The following EDIL3 variants were observed in gnomAD, a reference collection of about 807,000 sequenced individuals.
EDIL3 encodes the protein EGF-like repeat and discoidin I-like domain-containing protein 3.
A neutral mutation model predicts 67.4 loss-of-function variants in EDIL3; 37 were observed. The ratio of observed to expected loss-of-function variants is 0.55; its 90% CI spans 0.42 to 0.72. The LOEUF is 0.72. Among genes scored for constraint, EDIL3 ranks in the 30% least tolerant of loss-of-function variants. The pLI is 0.00. For missense variants in EDIL3, 527 were observed against 586.3 expected (o/e 0.90, Z 1.04); for synonymous variants, 195 against 196.3 (o/e 0.99, Z 0.05).
chr5:84,034,552 G>A (rs536034292), intron 9 of EDIL3, among the ~76,000 whole-genome samples: 2 of 152,250 alleles, frequency 1.3e-5, no homozygotes, highest in Admixed American at 1.3e-4. Flanking sequence ...ACCCATCTTA[G>A]AATGGCCCTT....
intron 4 of EDIL3, among the ~76,000 whole-genome samples, chr5:84,168,943 C>A (rs575823522): frequency 3.9e-5 from 6 of 152,176 alleles, no homozygotes; most frequent in Non-Finnish European, 8.8e-5. Context: ...GCTTACACGT[C>A]CTTGACTATT....
At chr5:84,003,545 T>C (rs1302648221) in intron 9 of EDIL3, among the ~76,000 whole-genome samples, 1 of 152,094 alleles carries the variant, frequency 6.6e-6, no homozygotes, top group African/African-American at 2.4e-5. Flanking sequence ...AAGCAAGAAT[T>C]CCATATCTAG....
At chr5:84,113,474 G>C (rs947445875) in intron 5 of EDIL3, among the ~76,000 whole-genome samples, 1 of 152,162 alleles carries the variant, frequency 6.6e-6, no homozygotes, top group African/African-American at 2.4e-5. Flanking sequence ...AGGAGCAGCT[G>C]GGCTAGCTGG....
intron 9 of EDIL3, among the ~76,000 whole-genome samples, chr5:84,028,341 C>T (rs903781007): frequency 6.6e-6 from 1 of 152,172 alleles, no homozygotes; most frequent in Admixed American, 6.5e-5. Context: ...CTAACCATGT[C>T]ACCCTTTGAC....
chr5:84,259,817 G>A (rs1334230488), intron 1 of EDIL3, among the ~76,000 whole-genome samples: 1 of 152,064 alleles, frequency 6.6e-6, no homozygotes, highest in East Asian at 1.9e-4. Context: ...CAACAGCAAA[G>A]TGTGTGAGCA....
chr5:84,233,452 A>G (rs1191489667), intron 2 of EDIL3, among the ~76,000 whole-genome samples: 1 of 152,228 alleles, frequency 6.6e-6, no homozygotes, highest in Non-Finnish European at 1.5e-5. Context: ...GTAAATTAGT[A>G]GGCTTACAGA....
Position 84,024,799 on chromosome 5 carries a change from TCTA to T in EDIL3, c.1137+35498_1137+35500del, listed in dbSNP as rs1561406844. On this transcript the variant is annotated intron_variant, in intron 9 of 10. Coordinates refer to ENST00000296591, the MANE Select transcript of EDIL3 (RefSeq NM_005711.5). ...AGCACCCTTAAGAACACAACTTCTT[TCTA>T]TTTTTTTTTTCACTCTATTACCTTT... Among the ~76,000 whole-genome samples, 3 of 95,486 alleles carry T rather than the reference TCTA, an allele frequency of 3.1e-5. No individual in the cohort carries two copies. In the East Asian group the frequency reaches 1.3e-3, roughly 40 times the overall value. The allele number at this position is 95,486 out of a possible 152,430, so 62.6% of individuals were successfully genotyped here. A position where few individuals can be genotyped will look rare whatever the true frequency, so the allele number is the denominator to read the frequency against.
At chr5:84,322,991 T>C (rs1184360908) in intron 1 of EDIL3, among the ~76,000 whole-genome samples, 1 of 151,918 alleles carries the variant, frequency 6.6e-6, no homozygotes, top group African/African-American at 2.4e-5. Context: ...AAAAGAAAAA[T>C]TGACACATAT....
chr5:84,307,719 A>G (rs1346549075), intron 1 of EDIL3, among the ~76,000 whole-genome samples: 2 of 152,162 alleles, frequency 1.3e-5, no homozygotes, highest in Admixed American at 6.5e-5. Flanking sequence ...AAAGTCCACA[A>G]TTAGCTGCAG....
At chr5:84,198,647 C>G (rs1302290045) in intron 3 of EDIL3, among the ~76,000 whole-genome samples, 1 of 151,930 alleles carries the variant, frequency 6.6e-6, no homozygotes. Context: ...TGACAACAAG[C>G]AATTAGCACC....
chr5:84,297,615 G>A (rs2112126216), intron 1 of EDIL3, among the ~76,000 whole-genome samples: 1 of 152,312 alleles, frequency 6.6e-6, no homozygotes, highest in Non-Finnish European at 1.5e-5. Flanking sequence ...GGACCATCGG[G>A]AGTTTATGGA....
chr5:83,990,353 G>A (rs1745127960), intron 9 of EDIL3, among the ~76,000 whole-genome samples: 2 of 151,840 alleles, frequency 1.3e-5, no homozygotes, highest in African/African-American at 4.8e-5. Context: ...TGGGCGTGGT[G>A]GCATGCGCCT....
At chr5:84,179,151 T>C (rs1411094819) in intron 4 of EDIL3, among the ~76,000 whole-genome samples, 2 of 152,054 alleles carry the variant, frequency 1.3e-5, no homozygotes, top group Admixed American at 6.6e-5. Flanking sequence ...GTAAGTAACA[T>C]GGTCTTCATG....
intron 4 of EDIL3, among the ~76,000 whole-genome samples, chr5:84,143,749 AAT>A (rs747570396): frequency 6.6e-6 from 1 of 151,054 alleles, no homozygotes; most frequent in South Asian, 2.1e-4. Context: ...GATGACTTTA[AAT>A]ATATATATAT....
intron 1 of EDIL3, among the ~76,000 whole-genome samples, chr5:84,305,506 AG>A (rs1746246899): frequency 6.6e-6 from 1 of 152,232 alleles, no homozygotes; most frequent in South Asian, 2.1e-4. Context: ...TTTTCTCTAA[AG>A]CTCTCAGCAG....
chr5:83,974,794 T>C (rs1744852156), intron 9 of EDIL3, among the ~76,000 whole-genome samples: 1 of 152,042 alleles, frequency 6.6e-6, no homozygotes, highest in Admixed American at 6.6e-5. Flanking sequence ...ATATATATCT[T>C]ATGTATATTC....
intron 5 of EDIL3, among the ~76,000 whole-genome samples, chr5:84,119,212 GTTT>G (rs66522256): frequency 1.2e-5 from 1 of 82,302 alleles, no homozygotes; most frequent in African/African-American, 4.7e-5. Context: ...CATGCATTTG[GTTT>G]TTTTTTTTTT....
intron 3 of EDIL3, among the ~76,000 whole-genome samples, chr5:84,223,833 T>C (rs1413982406): frequency 1.3e-5 from 2 of 151,256 alleles, no homozygotes; most frequent in Non-Finnish European, 1.5e-5. Context: ...CTGACTATAG[T>C]AATCATTTTA....
chr5:84,041,135 T>TAA (rs36023168), intron 9 of EDIL3, among the ~76,000 whole-genome samples: 1 of 143,802 alleles, frequency 7.0e-6, no homozygotes, highest in Non-Finnish European at 1.5e-5. Flanking sequence ...TGTCTCAAAA[T>TAA]AAAAAAAAAA....
Sources: allele counts gnomAD v4.1 joint callset (sites outside exome capture counted in the v4.1 genomes callset), GRCh38; gene constraint gnomAD v4.1.1; transcripts MANE v1.5; gene names NCBI Gene and HGNC (gene_info 2026-07-23, HGNC 2026-07-21).